The following MYO3A variants were observed in gnomAD, a reference collection of about 807,000 sequenced individuals.
MYO3A encodes myosin-IIIa.
In MYO3A, 180 loss-of-function variants were observed where a neutral mutation model predicts 192.7. The observed-to-expected ratio is 0.93, with a 90% CI of 0.83 to 1.06. The LOEUF (loss-of-function observed/expected upper bound fraction) is 1.06, where lower values mean the gene tolerates loss of function less well. MYO3A is among the 50% of genes least tolerant of loss of function. The probability of loss-of-function intolerance (pLI) is 0.00; values close to 1 mark genes in which losing one functional copy is unlikely to be tolerated. For missense variants in MYO3A, 1,896 were observed against 1,905.0 expected (o/e 1.00, Z 0.09); for synonymous variants, 628 against 645.3 (o/e 0.97, Z 0.41).
chr10:25,961,843 C>T (rs186845342), intron 4 of MYO3A, among the ~76,000 whole-genome samples: 1 of 152,142 alleles, frequency 6.6e-6, no homozygotes, highest in Non-Finnish European at 1.5e-5. Context: ...TACAACATGA[C>T]TGCTAATTAT....
intron 10 of MYO3A, among the ~76,000 whole-genome samples, chr10:26,054,445 C>T (rs1844195252): frequency 6.6e-6 from 1 of 152,198 alleles, no homozygotes; most frequent in African/African-American, 2.4e-5. Context: ...GTTTTCTTAG[C>T]TTCCTGCCAA....
chr10:26,108,355 G>T (rs144202579), intron 17 of MYO3A, among the ~76,000 whole-genome samples: 1 of 152,124 alleles, frequency 6.6e-6, no homozygotes, highest in East Asian at 1.9e-4. Flanking sequence ...AAGATCCCTT[G>T]GGTTATCAGA....
intron 3 of MYO3A, among the ~76,000 whole-genome samples, chr10:25,954,200 G>A (rs1429144164): frequency 6.6e-6 from 1 of 152,040 alleles, no homozygotes; most frequent in East Asian, 1.9e-4. Flanking sequence ...GGCATTAAAT[G>A]TCACTGTAAA....
intron 34 of MYO3A, among the ~76,000 whole-genome samples, chr10:26,209,293 C>T (rs1405923003): frequency 6.6e-6 from 1 of 152,192 alleles, no homozygotes; most frequent in Non-Finnish European, 1.5e-5. Context: ...CCTCACTCTT[C>T]TGCACCTTGA....
chr10:26,169,503 T>C lies in MYO3A; in HGVS notation c.3274+629T>C, dbSNP rs191638197. ...CTTTTTAACCTATACACACACACACTACAAGCACTGTGTTCTGATCTTTTT... is the reference window on the plus strand; with the variant it reads ...CTTTTTAACCTATACACACACACACCACAAGCACTGTGTTCTGATCTTTTT... On this transcript the variant is annotated intron_variant, in intron 28 of 34. Coordinates refer to ENST00000642920, the MANE Select transcript of MYO3A (RefSeq NM_017433.5). Among the ~76,000 whole-genome samples the C allele has an allele frequency of 1.1e-4, 17 of 152,314 alleles. No individual in the cohort carries two copies. In the East Asian group the frequency reaches 1.9e-3, roughly 17 times the overall value.
At chr10:26,049,673 CTTTTTTT>C (rs66467075) in intron 10 of MYO3A, among the ~76,000 whole-genome samples, 2 of 69,104 alleles carry the variant, frequency 2.9e-5, no homozygotes, top group East Asian at 8.9e-4. Context: ...TTCTTTCTTT[CTTTTTTT>C]TTTTTTTTTT....
rs184193611 is a variant in MYO3A at position 26,121,489 on chromosome 10, C to A, written c.1903+687C>A. Among the ~76,000 whole-genome samples the A allele has an allele frequency of 6.6e-5, 10 of 152,276 alleles. No individual in the cohort carries two copies. The East Asian group carries it at 1.9e-3, about 29-fold the overall frequency. ...ATCACTCCTCGTCCAAAAGCTCACA[C>A]CTCTAATCCCAGTACTTTGGGAGGC... is the stretch of plus-strand genomic sequence containing the variant. On this transcript the variant is annotated intron_variant, in intron 18 of 34. Coordinates refer to ENST00000642920, the MANE Select transcript of MYO3A (RefSeq NM_017433.5).
chr10:25,969,483 T>G (rs1838483218), intron 4 of MYO3A, among the ~76,000 whole-genome samples: 1 of 152,140 alleles, frequency 6.6e-6, no homozygotes. Context: ...TTAAAGTGTC[T>G]TATATGTGAA....
At chr10:26,190,218 T>G (rs79314180) in intron 31 of MYO3A, among the ~76,000 whole-genome samples, 1,826 of 152,326 alleles carry the variant, frequency 0.012, 79 homozygotes, top group Admixed American at 0.069. Context: ...AGGTGGTGGA[T>G]GAATATTAGA....
chr10:26,119,039 G>C (rs191683995), intron 17 of MYO3A, among the ~76,000 whole-genome samples: 1 of 152,000 alleles, frequency 6.6e-6, no homozygotes, highest in African/African-American at 2.4e-5. Flanking sequence ...TCCAGCCCTC[G>C]TATGTCTTCC....
intron 17 of MYO3A, among the ~76,000 whole-genome samples, chr10:26,104,515 A>T (rs1369862844): frequency 6.6e-6 from 1 of 152,128 alleles, no homozygotes; most frequent in Non-Finnish European, 1.5e-5. Flanking sequence ...CTGGACTCTC[A>T]ATTCTATCTC....
At chr10:26,029,344 CCT>C (rs1308236731) in intron 10 of MYO3A, among the ~76,000 whole-genome samples, 1 of 151,962 alleles carries the variant, frequency 6.6e-6, no homozygotes, top group Admixed American at 6.6e-5. Flanking sequence ...AAATATTGAT[CCT>C]CTCTCATTCT....
intron 10 of MYO3A, among the ~76,000 whole-genome samples, chr10:26,041,880 C>T (rs914818787): frequency 2.6e-5 from 4 of 152,000 alleles, no homozygotes; most frequent in African/African-American, 9.7e-5. Context: ...TTATAATATT[C>T]TGTGTTTTTC....
chr10:26,053,522 G>T (rs1292496232), intron 10 of MYO3A, among the ~76,000 whole-genome samples: 1 of 152,106 alleles, frequency 6.6e-6, no homozygotes, highest in African/African-American at 2.4e-5. Flanking sequence ...ACATGGTGAT[G>T]CATGCTAAAG....
intron 4 of MYO3A, among the ~76,000 whole-genome samples, chr10:25,966,113 G>T (rs1429993870): frequency 1.3e-5 from 2 of 152,014 alleles, no homozygotes; most frequent in African/African-American, 4.8e-5. Flanking sequence ...GGGTGGGACT[G>T]GGATAATGGG....
chr10:26,157,331 T>C lies in MYO3A; in HGVS notation c.2815T>C (p.Ser939Pro). The change falls in exon 26 of 35, where the codon TCT becomes CCT. Residue 939 changes from serine to proline, a missense_variant. Transcript: ENST00000642920. ...YFRYSLMDLL[S>P]KMVVGQPHFV... Reference sequence around the variant, plus strand: ...ATAGTATTCCCTGATGGATTTGTTGTCTAAAATGGTGGTGGGCCAACCTCA... The same window carrying C: ...ATAGTATTCCCTGATGGATTTGTTGCCTAAAATGGTGGTGGGCCAACCTCA... 6.2e-7 allele frequency: 1 copy of C among 1,614,130 alleles called. No homozygotes were observed. Among genetic ancestry groups the C allele is most frequent in the Non-Finnish European group, 8.5e-7 (1 of 1,179,976 alleles).
chr10:26,006,819 C>T (rs963008926), intron 6 of MYO3A, among the ~76,000 whole-genome samples: 11 of 151,570 alleles, frequency 7.3e-5, no homozygotes, highest in African/African-American at 2.7e-4. Context: ...GGAACTGGTA[C>T]CATTCCTTCT....
intron 9 of MYO3A, among the ~76,000 whole-genome samples, chr10:26,024,508 C>G (rs1842453664): frequency 6.6e-6 from 1 of 152,114 alleles, no homozygotes; most frequent in Non-Finnish European, 1.5e-5. Context: ...ATCCTGTCAT[C>G]ATGTTGTTAG....
chr10:26,100,873 T>C (rs187753092), intron 17 of MYO3A, among the ~76,000 whole-genome samples: 3 of 152,320 alleles, frequency 2.0e-5, no homozygotes, highest in Non-Finnish European at 4.4e-5. Context: ...GTATATTCTG[T>C]TGATTTGGGG....
Sources: gnomAD v4.1 joint callset for allele counts (sites outside exome capture counted in the v4.1 genomes callset) on GRCh38, gnomAD v4.1.1 for gene constraint, MANE v1.5 for transcripts, NCBI Gene and HGNC (gene_info 2026-07-23, HGNC 2026-07-21) for gene names.